Variants in LTBP1 observed in about 807,000 individuals in gnomAD.
LTBP1 encodes the protein latent-transforming growth factor beta-binding protein 1.
A neutral mutation model predicts 207.6 loss-of-function variants in LTBP1; 129 were observed. That is an observed-to-expected ratio of 0.62 (90% CI 0.54 to 0.72). The LOEUF (loss-of-function observed/expected upper bound fraction) is 0.72, where lower values mean the gene tolerates loss of function less well. Ranked by LOEUF, LTBP1 falls within the 30% of genes least tolerant of loss-of-function variation. The pLI is 0.00. For missense variants in LTBP1, 2,281 were observed against 2,217.2 expected, an observed-to-expected ratio of 1.03 and a Z score of -0.58; for synonymous variants, 963 against 833.7, an observed-to-expected ratio of 1.16 and a Z score of -2.67.
intron 25 of LTBP1, 104 bp from the exon 26 acceptor site, chr2:33,347,263 G>T: frequency 7.6e-7 from 1 of 1,310,978 alleles, no homozygotes; most frequent in Admixed American, 2.0e-5. Flanking sequence ...TCTGGGGATC[G>T]CCTTCTTTTC....
At chr2:33,033,945 C>T (rs1036381074) in intron 3 of LTBP1, among the ~76,000 whole-genome samples, 5 of 152,098 alleles carry the variant, frequency 3.3e-5, no homozygotes, top group Admixed American at 6.5e-5. Context: ...TGTGATGAGA[C>T]TGTTTGCCAT....
At chr2:33,066,371 A>G (rs928666227) in intron 3 of LTBP1, among the ~76,000 whole-genome samples, 8 of 152,188 alleles carry the variant, frequency 5.3e-5, no homozygotes, top group African/African-American at 1.9e-4. Context: ...TGGCACCCCA[A>G]AAATCATAGT....
chr2:33,026,646 T>C (rs1273256582), intron 3 of LTBP1, among the ~76,000 whole-genome samples: 5 of 152,266 alleles, frequency 3.3e-5, no homozygotes, highest in Admixed American at 3.3e-4. Flanking sequence ...AAAAAAGGCA[T>C]TGAACGAAAG....
intron 7 of LTBP1, among the ~76,000 whole-genome samples, chr2:33,202,325 A>T (rs368558193): frequency 6.6e-6 from 1 of 152,174 alleles, no homozygotes; most frequent in South Asian, 2.1e-4. Flanking sequence ...CCAACTCCAC[A>T]TGGGAGAAAA....
intron 3 of LTBP1, among the ~76,000 whole-genome samples, chr2:33,036,839 G>A (rs1364625974): frequency 6.6e-6 from 1 of 152,152 alleles, no homozygotes; most frequent in Admixed American, 6.5e-5. Flanking sequence ...ATATCAAAAT[G>A]CTTCCCTCAT....
chr2:33,084,787 C>G (rs1053535531), intron 3 of LTBP1, among the ~76,000 whole-genome samples: 1 of 152,178 alleles, frequency 6.6e-6, no homozygotes, highest in Non-Finnish European at 1.5e-5. Flanking sequence ...TTTTGCCAGT[C>G]AGTCCAGCTC....
intron 3 of LTBP1, among the ~76,000 whole-genome samples, chr2:33,073,704 G>A (rs968291052): frequency 2.6e-5 from 4 of 151,788 alleles, no homozygotes; most frequent in African/African-American, 9.7e-5. Flanking sequence ...TCAGCTAACT[G>A]TAACCTCCGC....
chr2:33,182,687 G>GAGATAGATATATATATATATATAT lies in LTBP1; in HGVS notation c.1202-4168_1202-4167insGATAGATATATATATATATATATA, dbSNP rs1469125010. ...AAAAAAAAAAAGAAGAAAAGATGGT[G>GAGATAGATATATATATATATATAT]ATATATATATATACACACACACACA... On this transcript the variant is annotated intron_variant, in intron 5 of 33. Coordinates refer to ENST00000404816, the MANE Select transcript of LTBP1 (RefSeq NM_206943.4). Among the ~76,000 whole-genome samples, 3 of 67,048 alleles carry GAGATAGATATATATATATATATAT rather than the reference G, an allele frequency of 4.5e-5. 1 individual carries two copies. Among genetic ancestry groups the GAGATAGATATATATATATATATAT allele is most frequent in the Non-Finnish European group, 9.6e-5 (3 of 31,284 alleles). The allele number at this position is 67,048 out of a possible 152,430, so 44.0% of individuals were successfully genotyped here.
Position 33,275,069 on chromosome 2 carries a change from G to C in LTBP1, c.2848G>C (p.Glu950Gln). Residue 950 changes from glutamate (E) to glutamine (Q), a missense_variant, in exon 17 of 34, where the codon GAG (glutamate) becomes CAG (glutamine). Coordinates refer to ENST00000404816, the MANE Select transcript of LTBP1 (RefSeq NM_206943.4). ...TTGCCCAGCAGGATTTATGGCCAGT[G>C]AGGAGGGTACTAACTGCATAGGTAA... Reference protein sequence around the residue: ...CICPAGFMASEEGTNCIDVDE... With the variant: ...CICPAGFMASQEGTNCIDVDE... The C allele has an allele frequency of 6.2e-7, 1 of 1,614,046 alleles. No individual in the cohort carries two copies. Among genetic ancestry groups the C allele is most frequent in the East Asian group, 2.2e-5 (1 of 44,878 alleles).
intron 5 of LTBP1, among the ~76,000 whole-genome samples, chr2:33,185,875 T>C (rs1425598129): frequency 1.3e-5 from 2 of 152,166 alleles, no homozygotes; most frequent in Non-Finnish European, 2.9e-5. Context: ...GGGTAGAAGC[T>C]GGAAGGAAAT....
intron 4 of LTBP1, among the ~76,000 whole-genome samples, chr2:33,115,620 A>T (rs1292703070): frequency 6.6e-6 from 1 of 152,048 alleles, no homozygotes; most frequent in African/African-American, 2.4e-5. Flanking sequence ...AAGTCTAGGG[A>T]TGGTGTGGGG....
chr2:33,215,725 T>TG (rs1553456697), intron 7 of LTBP1, among the ~76,000 whole-genome samples: 1 of 146,686 alleles, frequency 6.8e-6, no homozygotes, highest in African/African-American at 2.5e-5. Flanking sequence ...TGTTTTTTGT[T>TG]TTTTTTTTTT....
At chr2:33,336,720 G>A (rs1460672374) in intron 24 of LTBP1, among the ~76,000 whole-genome samples, 2 of 152,112 alleles carry the variant, frequency 1.3e-5, no homozygotes, top group Admixed American at 6.5e-5. Flanking sequence ...AGATGAGTAC[G>A]TTTTGCTCAG....
At chr2:33,152,992 G>T (rs1433397846) in intron 5 of LTBP1, among the ~76,000 whole-genome samples, 1 of 152,204 alleles carries the variant, frequency 6.6e-6, no homozygotes, top group African/African-American at 2.4e-5. Context: ...GGAAGTAGAT[G>T]TTCAAGATCC....
At chr2:33,270,118 A>G (rs1353890111) in intron 15 of LTBP1, among the ~76,000 whole-genome samples, 1 of 151,800 alleles carries the variant, frequency 6.6e-6, no homozygotes, top group East Asian at 2.0e-4. Context: ...GGGTTTCACC[A>G]TGTCCTGGCT....
At chr2:33,103,493 C>T (rs2079865245) in intron 3 of LTBP1, among the ~76,000 whole-genome samples, 1 of 151,988 alleles carries the variant, frequency 6.6e-6, no homozygotes, top group Admixed American at 6.6e-5. Flanking sequence ...TTAGTCTCTT[C>T]ATCAGCAGCC....
At chr2:33,085,378 A>G (rs1279065546) in intron 3 of LTBP1, among the ~76,000 whole-genome samples, 1 of 152,208 alleles carries the variant, frequency 6.6e-6, no homozygotes, top group Admixed American at 6.5e-5. Flanking sequence ...GAAATAATGG[A>G]CACCTTCTCT....
chr2:33,174,871 A>G (rs1399639665), intron 5 of LTBP1, among the ~76,000 whole-genome samples: 2 of 150,858 alleles, frequency 1.3e-5, no homozygotes, highest in African/African-American at 4.9e-5. Flanking sequence ...CAACTATCTG[A>G]TCTTTGACAA....
intron 10 of LTBP1, among the ~76,000 whole-genome samples, chr2:33,248,343 G>T (rs1304343075): frequency 2.6e-5 from 4 of 152,160 alleles, no homozygotes; most frequent in South Asian, 2.1e-4. Context: ...GGCATAGAGG[G>T]GTTAGGGATC....
Sources: allele counts gnomAD v4.1 joint callset (sites outside exome capture counted in the v4.1 genomes callset), GRCh38; gene constraint gnomAD v4.1.1; transcripts MANE v1.5; gene names NCBI Gene and HGNC (gene_info 2026-07-23, HGNC 2026-07-21).